ANK3: variants seen among roughly 807,000 people sequenced by gnomAD.
ANK3 encodes the protein ankyrin-3.
Under a neutral mutation model 370.9 loss-of-function variants are expected in ANK3, and 57 were observed. The observed-to-expected ratio is 0.15, with a 90% CI of 0.12 to 0.19. The LOEUF is 0.19. Among genes scored for constraint, ANK3 ranks in the 10% least tolerant of loss-of-function variants. The probability of loss-of-function intolerance (pLI) is 1.00; values close to 1 mark genes in which losing one functional copy is unlikely to be tolerated. For synonymous variants in ANK3, 1,929 were observed against 1,946.3 expected, an observed-to-expected ratio of 0.99 and a Z score of 0.23; for missense variants, 4,439 against 5,302.1, an observed-to-expected ratio of 0.84 and a Z score of 5.06.
At chr10:60,502,804 GAAAA>G (rs2075836532) in intron 2 of ANK3, among the ~76,000 whole-genome samples, 1 of 124,546 alleles carries the variant, frequency 8.0e-6, no homozygotes, top group Non-Finnish European at 1.7e-5. Context: ...AGAAAAGAAA[GAAAA>G]AAGAGAAGAA....
At chr10:60,649,319 T>A (rs763423286) in intron 1 of ANK3, among the ~76,000 whole-genome samples, 9 of 151,918 alleles carry the variant, frequency 5.9e-5, no homozygotes, top group Non-Finnish European at 1.3e-4. Flanking sequence ...AAAAAAATAC[T>A]TTTTAAGGTA....
chr10:60,200,466 G>A (rs1431128766), intron 12 of ANK3, among the ~76,000 whole-genome samples: 1 of 152,188 alleles, frequency 6.6e-6, no homozygotes, highest in East Asian at 1.9e-4. Context: ...GTGCTGCTCA[G>A]TAACCTACAA....
At chr10:60,197,363 C>A (rs1010680405) in intron 14 of ANK3, among the ~76,000 whole-genome samples, 3 of 152,172 alleles carry the variant, frequency 2.0e-5, no homozygotes, top group African/African-American at 7.2e-5. Flanking sequence ...ATCAACCAGC[C>A]AATCAGCACA....
chr10:60,547,262 T>C (rs1175761562), intron 2 of ANK3, among the ~76,000 whole-genome samples: 1 of 151,746 alleles, frequency 6.6e-6, no homozygotes, highest in African/African-American at 2.4e-5. Context: ...AGCTAATTTT[T>C]TTGTATTTTT....
In ANK3 at chr10:60,173,056, T is replaced by C. The variant is rs187394631; in HGVS notation, c.2283+32A>G. On this transcript the variant is annotated intron_variant, in intron 19 of 43. Coordinates refer to ENST00000280772, the MANE Select transcript of ANK3 (RefSeq NM_020987.5). Reference sequence around the variant, plus strand: ...ATTCCTTTGAAGCAAAAATAAATGATTCTGGCAGAAACAAAAAAGGAAGGA... The same window carrying C: ...ATTCCTTTGAAGCAAAAATAAATGACTCTGGCAGAAACAAAAAAGGAAGGA... 71 of 1,610,528 alleles carry C rather than the reference T, an allele frequency of 4.4e-5. No individual in the cohort carries two copies. In the African/African-American group the frequency reaches 9.0e-4, roughly 20 times the overall value.
chr10:60,109,146 C>T (rs1021885988), intron 26 of ANK3, 92 bp from the exon 27 acceptor site: 10 of 962,364 alleles, frequency 1.0e-5, no homozygotes, highest in South Asian at 6.3e-5. Context: ...TTATTTAAAG[C>T]GACAGACAAT....
intron 7 of ANK3, among the ~76,000 whole-genome samples, chr10:60,248,821 T>C (rs372854239): frequency 6.6e-6 from 1 of 152,236 alleles, no homozygotes; most frequent in Non-Finnish European, 1.5e-5. Context: ...TGCTCTTTCC[T>C]GTGGGTCACA....
chr10:60,669,913 C>T (rs192191268), intron 1 of ANK3, among the ~76,000 whole-genome samples: 44 of 152,272 alleles, frequency 2.9e-4, no homozygotes, highest in Non-Finnish European at 5.4e-4. Flanking sequence ...GCCTTGACCT[C>T]CTAGGTTCTA....
At chr10:60,252,285 A>T (rs568570167) in intron 7 of ANK3, among the ~76,000 whole-genome samples, 89 of 152,298 alleles carry the variant, frequency 5.8e-4, no homozygotes, top group African/African-American at 2.0e-3. Flanking sequence ...GGGGACCAGG[A>T]TTCATCTGAG....
At position 60,186,623 on chromosome 10, in the gene ANK3, T is replaced by C. The variant is rs766839078; in HGVS notation, c.2085+92A>G. 8 of 1,330,120 alleles carry C rather than the reference T, an allele frequency of 6.0e-6. No individual in the cohort carries two copies. In the Admixed American group the frequency reaches 1.6e-4, roughly 26 times the overall value. The allele number at this position is 1,330,120 out of a possible 1,614,324, so 82.4% of individuals were successfully genotyped here. ...GCAATATTACACTTTACACATCCTATTTGACTCAGATCTTCTGTGAATTCT... is the reference window on the plus strand; with the variant it reads ...GCAATATTACACTTTACACATCCTACTTGACTCAGATCTTCTGTGAATTCT... On this transcript the variant is annotated intron_variant, in intron 17 of 43. Transcript: ENST00000280772.
In ANK3 at chr10:60,725,049, G is replaced by C. The variant is rs538284558; in HGVS notation, c.57+8214C>G. ...CCCACGCAGGCAGCCATTCTAACGT[G>C]TTTAAGGAGTATCTTTATGTAAGAT... On this transcript the variant is annotated intron_variant, in intron 1 of 43. Coordinates refer to the ANK3 transcript ENST00000373827. Among the ~76,000 whole-genome samples, 9 of 152,236 alleles carry C rather than the reference G, an allele frequency of 5.9e-5. No individual in the cohort carries two copies. In the South Asian group the frequency reaches 1.7e-3, roughly 28 times the overall value.
intron 1 of ANK3, among the ~76,000 whole-genome samples, chr10:60,282,088 T>C (rs2132715102): frequency 6.6e-6 from 1 of 152,280 alleles, no homozygotes; most frequent in South Asian, 2.1e-4. Context: ...ATCATCTTCT[T>C]TGTGCCTGTT....
intron 1 of ANK3, among the ~76,000 whole-genome samples, chr10:60,345,816 A>C (rs1272294321): frequency 6.6e-6 from 1 of 152,134 alleles, no homozygotes; most frequent in Non-Finnish European, 1.5e-5. Context: ...TGTAAATTAT[A>C]CTGGAGGCAG....
intron 2 of ANK3, among the ~76,000 whole-genome samples, chr10:60,399,349 T>A (rs1358811135): frequency 6.6e-6 from 1 of 152,076 alleles, no homozygotes; most frequent in Non-Finnish European, 1.5e-5. Flanking sequence ...CTTTAAGAAA[T>A]GTAAGATGCT....
At chr10:60,298,616 C>T (rs980354320) in intron 1 of ANK3, among the ~76,000 whole-genome samples, 1 of 152,100 alleles carries the variant, frequency 6.6e-6, no homozygotes, top group East Asian at 1.9e-4. Context: ...TTTTATTACA[C>T]GTTTTTTCAA....
At chr10:60,666,575 T>C (rs2078998737) in intron 1 of ANK3, among the ~76,000 whole-genome samples, 1 of 152,224 alleles carries the variant, frequency 6.6e-6, no homozygotes, top group South Asian at 2.1e-4. Context: ...ATGGTGACTT[T>C]TACTTGTATT....
intron 42 of ANK3, chr10:60,044,417 C>T: frequency 1.3e-6 from 1 of 777,180 alleles, no homozygotes; most frequent in African/African-American, 1.9e-5. Context: ...CCAAACACCA[C>T]ACACATGCTC....
At chr10:60,727,664 TA>T (rs2079960749) in intron 1 of ANK3, among the ~76,000 whole-genome samples, 1 of 152,128 alleles carries the variant, frequency 6.6e-6, no homozygotes, top group South Asian at 2.1e-4. Flanking sequence ...AACAGGGTCT[TA>T]AAAATCATAA....
intron 1 of ANK3, among the ~76,000 whole-genome samples, chr10:60,648,884 GCTCCT>G (rs1485858583): frequency 1.6e-4 from 24 of 150,474 alleles, no homozygotes; most frequent in Non-Finnish European, 1.5e-5. Flanking sequence ...TCCTGCTCCT[GCTCCT>G]GCTCCCCCAA....
Sources: allele counts gnomAD v4.1 joint callset (sites outside exome capture counted in the v4.1 genomes callset), GRCh38; gene constraint gnomAD v4.1.1; transcripts MANE v1.5; gene names NCBI Gene and HGNC (gene_info 2026-07-23, HGNC 2026-07-21).